CENPW: variants seen among roughly 807,000 people sequenced by gnomAD.
CENPW encodes the protein centromere protein W, also known as cancer-up-regulated gene 2 protein.
A neutral mutation model predicts 11.1 loss-of-function variants in CENPW; 3 were observed. The ratio of observed to expected loss-of-function variants is 0.27; its 90% confidence interval spans 0.12 to 0.70. The LOEUF (loss-of-function observed/expected upper bound fraction) is 0.70, where lower values mean the gene tolerates loss of function less well. CENPW is among the 30% of genes least tolerant of loss of function. The probability of loss-of-function intolerance (pLI) is 0.77; values close to 1 mark genes in which losing one functional copy is unlikely to be tolerated. For missense variants in CENPW, 100 were observed against 105.6 expected (o/e 0.95, Z 0.23); for synonymous variants, 38 against 42.0 (o/e 0.91, Z 0.37).
the CENPW span, among the ~76,000 whole-genome samples, chr6:126,367,539 G>A: frequency 6.6e-6 from 1 of 152,050 alleles, no homozygotes; most frequent in Non-Finnish European, 1.5e-5. Context: ...GAGACAAGAA[G>A]GAATAAACCT....
chr6:126,428,534 A>G, the CENPW span, among the ~76,000 whole-genome samples: 378 of 152,264 alleles, frequency 2.5e-3, 1 homozygote, highest in Non-Finnish European at 4.5e-3. Flanking sequence ...CTCCTGGAAG[A>G]TTCTTTTCAA....
the CENPW span, among the ~76,000 whole-genome samples, chr6:126,430,496 C>A: frequency 6.6e-6 from 1 of 152,072 alleles, no homozygotes; most frequent in Non-Finnish European, 1.5e-5. Flanking sequence ...ATACATTGAA[C>A]AAATGGAGCA....
At chr6:126,348,346 T>C (rs1013122283) in intron 2 of CENPW, 120 bp from the exon 3 acceptor site, 6 of 596,380 alleles carry the variant, frequency 1.0e-5, no homozygotes, top group African/African-American at 5.9e-5. Context: ...ATTTGGAAAA[T>C]TGGGTTTTAT....
chr6:126,438,204 T>C, the CENPW span, among the ~76,000 whole-genome samples: 1 of 151,720 alleles, frequency 6.6e-6, no homozygotes, highest in Non-Finnish European at 1.5e-5. Flanking sequence ...CACTTTATTT[T>C]ATAAATTGCA....
At chr6:126,373,977 G>A in the CENPW span, among the ~76,000 whole-genome samples, 1 of 152,210 alleles carries the variant, frequency 6.6e-6, no homozygotes, top group South Asian at 2.1e-4. Flanking sequence ...AATTGCTGTG[G>A]GAGTTCTAAG....
At chr6:126,427,584 T>G in the CENPW span, among the ~76,000 whole-genome samples, 1 of 152,198 alleles carries the variant, frequency 6.6e-6, no homozygotes, top group Non-Finnish European at 1.5e-5. Flanking sequence ...AAGTTGCAAC[T>G]CTTCAGATAT....
chr6:126,389,978 C>T, the CENPW span, among the ~76,000 whole-genome samples: 9 of 151,832 alleles, frequency 5.9e-5, no homozygotes, highest in East Asian at 1.9e-4. Context: ...ATTATAATGA[C>T]ACATACTAGT....
At chr6:126,420,499 A>G in the CENPW span, among the ~76,000 whole-genome samples, 2 of 152,184 alleles carry the variant, frequency 1.3e-5, no homozygotes, top group Non-Finnish European at 2.9e-5. Flanking sequence ...ATTAGTATAG[A>G]TGGAGACAGG....
chr6:126,466,554 A>G, the CENPW span, among the ~76,000 whole-genome samples: 1 of 152,144 alleles, frequency 6.6e-6, no homozygotes, highest in African/African-American at 2.4e-5. Flanking sequence ...AGCCACTGGT[A>G]TGAACTCATG....
At chr6:126,458,162 A>G in the CENPW span, among the ~76,000 whole-genome samples, 2 of 151,280 alleles carry the variant, frequency 1.3e-5, no homozygotes, top group African/African-American at 4.8e-5. Context: ...TTCTGGCATA[A>G]CTGAACTCCT....
the CENPW span, among the ~76,000 whole-genome samples, chr6:126,410,566 A>G: frequency 6.6e-6 from 1 of 151,894 alleles, no homozygotes; most frequent in East Asian, 1.9e-4. Flanking sequence ...ATTTTTCAGC[A>G]ATTATTTTAC....
chr6:126,476,881 A>G, the CENPW span, among the ~76,000 whole-genome samples: 2 of 152,054 alleles, frequency 1.3e-5, no homozygotes, highest in African/African-American at 4.8e-5. Flanking sequence ...GTCTAAAACC[A>G]GATGGGTTAA....
At chr6:126,418,160 G>A in the CENPW span, among the ~76,000 whole-genome samples, 1 of 152,202 alleles carries the variant, frequency 6.6e-6, no homozygotes, top group Non-Finnish European at 1.5e-5. Flanking sequence ...GTGTAAAATG[G>A]TGCGTCTACT....
At chr6:126,439,192 T>C in the CENPW span, among the ~76,000 whole-genome samples, 2 of 151,740 alleles carry the variant, frequency 1.3e-5, no homozygotes, top group Non-Finnish European at 3.0e-5. Context: ...GTAGATTCTA[T>C]GGAAGATACA....
At chr6:126,351,324 A>G (rs1313731302), downstream of CENPW, among the ~76,000 whole-genome samples, 1 of 152,016 alleles carries the variant, frequency 6.6e-6, no homozygotes, top group Non-Finnish European at 1.5e-5. Context: ...TTTCTTGTAG[A>G]TAGGAATTTT....
At chr6:126,411,225 C>T in the CENPW span, among the ~76,000 whole-genome samples, 1 of 152,160 alleles carries the variant, frequency 6.6e-6, no homozygotes, top group Non-Finnish European at 1.5e-5. Flanking sequence ...GTGATGTAGT[C>T]TCTGCAGATT....
At chr6:126,433,156 A>G in the CENPW span, among the ~76,000 whole-genome samples, 22 of 152,348 alleles carry the variant, frequency 1.4e-4, no homozygotes, top group African/African-American at 5.1e-4. Context: ...TGCATGACAC[A>G]TTTCATTTAG....
the CENPW span, among the ~76,000 whole-genome samples, chr6:126,413,976 AT>A: frequency 6.6e-6 from 1 of 152,000 alleles, no homozygotes; most frequent in Non-Finnish European, 1.5e-5. Context: ...ATCGTAAAAA[AT>A]ATTTCACTCA....
At chr6:126,481,325 T>A in the CENPW span, among the ~76,000 whole-genome samples, 1 of 152,064 alleles carries the variant, frequency 6.6e-6, no homozygotes, top group African/African-American at 2.4e-5. Flanking sequence ...GATCTTTTGA[T>A]AGGCATATTG....
Sources: gnomAD v4.1 joint callset for allele counts (sites outside exome capture counted in the v4.1 genomes callset) on GRCh38, gnomAD v4.1.1 for gene constraint, MANE v1.5 for transcripts, NCBI Gene and HGNC (gene_info 2026-07-23, HGNC 2026-07-21) for gene names.